Variants in FAM168A observed in about 807,000 individuals in gnomAD.
The protein encoded by FAM168A is family with sequence similarity 168 member A, also known as protein FAM168A.
Under a neutral mutation model 28.5 loss-of-function variants are expected in FAM168A, and 3 were observed. That is an observed-to-expected ratio of 0.11 (90% CI 0.05 to 0.27). FAM168A has a LOEUF of 0.27. Among genes scored for constraint, FAM168A ranks in the 10% least tolerant of loss-of-function variants. The pLI, the probability that FAM168A is intolerant of heterozygous loss-of-function variation, is 1.00. For missense variants in FAM168A, 222 were observed against 311.5 expected (o/e 0.71, Z 2.16); for synonymous variants, 122 against 124.2 (o/e 0.98, Z 0.12).
At position 73,401,144 on chromosome 11, in the gene FAM168A, C is replaced by A. The variant is rs1350719831; in HGVS notation, c.*5619G>T. ...TTTATTTCTTTTTAAAATGTGAGTT[C>A]CAATAAAATTTAAAAATTAGATTCC... On this transcript the variant is annotated 3_prime_UTR_variant, in exon 8 of 8. Coordinates refer to ENST00000356467, the MANE Select transcript of FAM168A (RefSeq NM_015159.3). The A allele has an allele frequency of 1.3e-5, 2 of 150,538 alleles. No individual in the cohort carries two copies. Among genetic ancestry groups the A allele is most frequent in the Admixed American group, 1.3e-4 (2 of 15,110 alleles). The allele number at this position is 150,538 out of a possible 1,614,324, so 9.3% of individuals were successfully genotyped here.
intron 1 of FAM168A, among the ~76,000 whole-genome samples, chr11:73,516,094 T>C (rs1396473836): frequency 1.4e-5 from 2 of 142,746 alleles, no homozygotes; most frequent in Non-Finnish European, 3.0e-5. Context: ...ACTGAGACTC[T>C]GCCTTTAAAA....
intron 1 of FAM168A, among the ~76,000 whole-genome samples, chr11:73,579,949 A>G (rs1041629370): frequency 1.3e-5 from 2 of 152,216 alleles, no homozygotes; most frequent in Non-Finnish European, 2.9e-5. Context: ...TATCTTGTAC[A>G]ATAGCACAGA....
At chr11:73,553,710 A>G (rs11825028) in intron 1 of FAM168A, among the ~76,000 whole-genome samples, 15,596 of 152,182 alleles carry the variant, frequency 0.1, 2,359 homozygotes, top group African/African-American at 0.33. Context: ...GGCCGGGCGC[A>G]GTGGCTCATG....
intron 2 of FAM168A, among the ~76,000 whole-genome samples, chr11:73,437,257 C>T (rs1590774436): frequency 6.6e-6 from 1 of 152,140 alleles, no homozygotes. Context: ...GCCACCCCAC[C>T]TGGCTAATTT....
At chr11:73,503,932 G>T (rs77236216) in intron 1 of FAM168A, among the ~76,000 whole-genome samples, 1 of 152,106 alleles carries the variant, frequency 6.6e-6, no homozygotes, top group Admixed American at 6.5e-5. Context: ...AAATGGTGCC[G>T]GGAAAACTGG....
chr11:73,475,683 A>C (rs945530668), intron 1 of FAM168A, among the ~76,000 whole-genome samples: 2 of 152,130 alleles, frequency 1.3e-5, no homozygotes, highest in African/African-American at 4.8e-5. Context: ...ATGTCTATTC[A>C]AGAAAAACTT....
intron 1 of FAM168A, among the ~76,000 whole-genome samples, chr11:73,571,963 G>A (rs548498435): frequency 6.7e-6 from 1 of 149,598 alleles, no homozygotes; most frequent in East Asian, 2.0e-4. Flanking sequence ...GGGAGGTGAG[G>A]AGCGTCTCTG....
rs1469349665 is a variant in FAM168A, at chr11:73,419,914, C to T, written c.237G>A (p.Gly79=). ...ATGCTTGGTAAGTTCGGTTCTCGGT[C>T]CCGGTGTCCACTGGGAGGTGGAAGG... is the stretch of plus-strand genomic sequence containing the variant. ...EGTFHLPVDT[G]TENRTYQASS... Residue 79 remains glycine, a synonymous_variant, in exon 4 of 8, where the codon GGG becomes GGA. Transcript: ENST00000356467. The T allele has an allele frequency of 1.9e-6, 3 of 1,613,912 alleles. No individual in the cohort carries two copies. Among genetic ancestry groups the T allele is most frequent in the Non-Finnish European group, 2.5e-6 (3 of 1,179,978 alleles).
intron 1 of FAM168A, among the ~76,000 whole-genome samples, chr11:73,571,749 T>C (rs1236685770): frequency 6.9e-6 from 1 of 144,144 alleles, no homozygotes; most frequent in Non-Finnish European, 1.5e-5. Context: ...CTGCCCAGTC[T>C]GGAAAGTGAG....
intron 1 of FAM168A, among the ~76,000 whole-genome samples, chr11:73,593,147 T>C (rs1944401261): frequency 6.6e-6 from 1 of 152,064 alleles, no homozygotes; most frequent in Non-Finnish European, 1.5e-5. Flanking sequence ...AGCAAAGAAA[T>C]GATTCACATA....
intron 2 of FAM168A, among the ~76,000 whole-genome samples, chr11:73,448,939 G>GT (rs899067352): frequency 7.2e-5 from 11 of 151,800 alleles, no homozygotes; most frequent in African/African-American, 2.2e-4. Context: ...GTTTTGTTTT[G>GT]TTTTTTTCTC....
intron 1 of FAM168A, among the ~76,000 whole-genome samples, chr11:73,497,237 C>G (rs2134618181): frequency 6.6e-6 from 1 of 152,188 alleles, no homozygotes; most frequent in East Asian, 1.9e-4. Context: ...GAGGCCCAGA[C>G]AGGCAGATCA....
Position 73,400,545 on chromosome 11 carries a change from G to A in FAM168A, c.*6218C>T, listed in dbSNP as rs1320295000. ...GCTCAATGGATTTCAACTCTGAATG[G>A]CCTCACTGTGCTCCCACATCACACA... On this transcript the variant is annotated 3_prime_UTR_variant, in exon 8 of 8. Coordinates refer to ENST00000356467, the MANE Select transcript of FAM168A (RefSeq NM_015159.3). 6.6e-6 allele frequency: 1 copy of A among 152,212 alleles called. No homozygotes were observed. Among genetic ancestry groups the A allele is most frequent in the African/African-American group, 2.4e-5 (1 of 41,440 alleles). 9.4% of individuals were successfully genotyped at this position (152,212 alleles called of 1,614,324 possible). A position where few individuals can be genotyped will look rare whatever the true frequency, so the allele number is the denominator to read the frequency against.
chr11:73,508,560 C>CGT (rs142113717), intron 1 of FAM168A, among the ~76,000 whole-genome samples: 22 of 150,620 alleles, frequency 1.5e-4, no homozygotes, highest in Middle Eastern at 3.2e-3. Context: ...TGCGTGGGTG[C>CGT]GTGTGTGTGT....
At chr11:73,553,256 T>G (rs1307806484) in intron 1 of FAM168A, among the ~76,000 whole-genome samples, 1 of 152,098 alleles carries the variant, frequency 6.6e-6, no homozygotes, top group Admixed American at 6.6e-5. Context: ...TCCCACATTT[T>G]AAATATTACC....
intron 1 of FAM168A, among the ~76,000 whole-genome samples, chr11:73,485,902 C>G (rs1868046878): frequency 6.6e-6 from 1 of 152,158 alleles, no homozygotes; most frequent in South Asian, 2.1e-4. Context: ...AGCCAGGGAA[C>G]TCTATTCTTC....
intron 1 of FAM168A, among the ~76,000 whole-genome samples, chr11:73,501,312 G>A (rs1405769168): frequency 6.6e-6 from 1 of 152,132 alleles, no homozygotes; most frequent in Non-Finnish European, 1.5e-5. Context: ...AAGGATATTC[G>A]GGACTTGAAC....
chr11:73,552,383 T>C (rs1943839956), intron 1 of FAM168A, among the ~76,000 whole-genome samples: 1 of 152,242 alleles, frequency 6.6e-6, no homozygotes, highest in South Asian at 2.1e-4. Context: ...CTCCTTTGTA[T>C]TCCACTATAA....
At chr11:73,553,473 G>A (rs563614003) in intron 1 of FAM168A, among the ~76,000 whole-genome samples, 1 of 152,192 alleles carries the variant, frequency 6.6e-6, no homozygotes, top group Admixed American at 6.5e-5. Context: ...CTAATAAGAG[G>A]ATAAAGCCCT....
Sources: gnomAD v4.1 joint callset for allele counts (sites outside exome capture counted in the v4.1 genomes callset) on GRCh38, gnomAD v4.1.1 for gene constraint, MANE v1.5 for transcripts, NCBI Gene and HGNC (gene_info 2026-07-23, HGNC 2026-07-21) for gene names.